CLEC4A: variants seen among roughly 807,000 people sequenced by gnomAD.
CLEC4A encodes the protein C-type (calcium dependent, carbohydrate-recognition domain) lectin, superfamily member 6.
In CLEC4A, 27 loss-of-function variants were observed where a neutral mutation model predicts 32.7. The ratio of observed to expected loss-of-function variants is 0.83; its 90% CI spans 0.61 to 1.14. The LOEUF is 1.14. CLEC4A is among the 50% of genes most tolerant of loss of function. The pLI is 0.00. For synonymous variants in CLEC4A, 89 were observed against 93.7 expected (o/e 0.95, Z 0.29); for missense variants, 253 against 274.6 (o/e 0.92, Z 0.55).
chr12:8,114,466 A>G, the CLEC4A span, among the ~76,000 whole-genome samples: 14 of 151,960 alleles, frequency 9.2e-5, no homozygotes, highest in Middle Eastern at 6.9e-3. Flanking sequence ...GGATGGTCTC[A>G]ATCTCCTGAC....
rs1346317915 is a variant in CLEC4A, at chr12:8,136,702, CTTT to C, written c.451-84_451-82del. ...AATGCAGCTGTTGCTGGATCCTCTC[CTTT>C]TCTTCTTGTTTCTCTAAGGTATTAA... is the stretch of plus-strand genomic sequence containing the variant. On this transcript the variant is annotated intron_variant, in intron 4 of 5. Coordinates refer to ENST00000229332, the MANE Select transcript of CLEC4A (RefSeq NM_016184.4). The C allele has an allele frequency of 5.1e-5, 40 of 779,880 alleles. 1 individual carries two copies. The highest frequency in any genetic ancestry group is 2.4e-4 in the South Asian group (15 of 62,796). The allele number at this position is 779,880 out of a possible 1,614,324, so 48.3% of individuals were successfully genotyped here. A position where few individuals can be genotyped will look rare whatever the true frequency, so the allele number is the denominator to read the frequency against.
chr12:8,134,033 A>G, intron 3 of CLEC4A: 2 of 1,601,290 alleles, frequency 1.2e-6, no homozygotes, highest in South Asian at 1.1e-5. Context: ...CCACACTCGG[A>G]CCACATCCTT....
the CLEC4A span, among the ~76,000 whole-genome samples, chr12:8,105,045 G>A: frequency 8.5e-5 from 13 of 152,062 alleles, no homozygotes; most frequent in African/African-American, 1.7e-4. Context: ...ATACGTATGC[G>A]GCATACATGT....
At chr12:8,130,289 G>A (rs1371286127) in intron 3 of CLEC4A, among the ~76,000 whole-genome samples, 1 of 152,026 alleles carries the variant, frequency 6.6e-6, no homozygotes, top group East Asian at 1.9e-4. Flanking sequence ...TCACATATCA[G>A]TTAAAACCAT....
intron 2 of CLEC4A, 83 bp from the exon 3 acceptor site, chr12:8,129,181 A>G (rs1256241108): frequency 5.8e-6 from 5 of 856,188 alleles, no homozygotes; most frequent in African/African-American, 5.1e-5. Context: ...GTTTTATTTC[A>G]ATAAAGAATG....
At chr12:8,120,689 T>A (rs778762200), upstream of CLEC4A, among the ~76,000 whole-genome samples, 19 of 152,208 alleles carry the variant, frequency 1.2e-4, no homozygotes, top group Non-Finnish European at 2.6e-4. Context: ...TTTTTCTCTG[T>A]GCCTTAGCAG....
At position 8,125,633 on chromosome 12, in the gene CLEC4A, T is replaced by C. The variant is rs754688932; in HGVS notation, c.155T>C (p.Ile52Thr). Reference sequence around the variant, plus strand: ...AAGCTGCTTTGTGCCTCACTGTTGATATTTTTCCTGCTATTGGCAATCTCA... The same window carrying C: ...AAGCTGCTTTGTGCCTCACTGTTGACATTTTTCCTGCTATTGGCAATCTCA... ...FPKLLCASLL[I>T]FFLLLAISFF... Residue 52 changes from isoleucine (I) to threonine (T), a missense_variant, in exon 2 of 6, where the codon ATA becomes ACA. Ile to Thr is a moderately conservative substitution (Grantham distance 89, BLOSUM62 -1). Coordinates refer to ENST00000229332, the MANE Select transcript of CLEC4A (RefSeq NM_016184.4). The C allele has an allele frequency of 1.2e-6, 2 of 1,613,438 alleles. No individual in the cohort carries two copies. The highest frequency in any genetic ancestry group is 1.3e-5 in the African/African-American group (1 of 75,040).
chr12:8,107,414 C>T, the CLEC4A span, among the ~76,000 whole-genome samples: 1 of 152,268 alleles, frequency 6.6e-6, no homozygotes, highest in East Asian at 1.9e-4. Context: ...AGTCCTTCCT[C>T]CTCAAATTTT....
At chr12:8,132,910 G>GTT (rs556423268) in intron 3 of CLEC4A, among the ~76,000 whole-genome samples, 1 of 149,816 alleles carries the variant, frequency 6.7e-6, no homozygotes, top group South Asian at 2.1e-4. Context: ...GTTTGTTTTT[G>GTT]TTTTTTTTTT....
upstream of CLEC4A, among the ~76,000 whole-genome samples, chr12:8,118,647 G>T (rs375743002): frequency 1.3e-5 from 2 of 152,118 alleles, no homozygotes; most frequent in African/African-American, 4.8e-5. Context: ...CTATGGCGAG[G>T]ACACTACCAA....
At chr12:8,136,994 C>T in intron 5 of CLEC4A, 91 bp downstream of exon 5, 3 of 764,388 alleles carry the variant, frequency 3.9e-6, no homozygotes, top group Non-Finnish European at 4.4e-6. Context: ...AGTAAAATAG[C>T]TCACTCTTCT....
At chr12:8,110,998 C>T in the CLEC4A span, among the ~76,000 whole-genome samples, 3 of 151,868 alleles carry the variant, frequency 2.0e-5, no homozygotes, top group Admixed American at 1.3e-4. Context: ...CTCAGCCTCC[C>T]GAGTAGCTGG....
the CLEC4A span, among the ~76,000 whole-genome samples, chr12:8,115,861 T>C: frequency 6.6e-6 from 1 of 152,042 alleles, no homozygotes; most frequent in Non-Finnish European, 1.5e-5. Context: ...CGATCACAAC[T>C]CACTGCAGCC....
At chr12:8,106,872 T>A in the CLEC4A span, among the ~76,000 whole-genome samples, 1 of 152,154 alleles carries the variant, frequency 6.6e-6, no homozygotes, top group Non-Finnish European at 1.5e-5. Flanking sequence ...TATTTCTTTC[T>A]CTCGCCTGAT....
At chr12:8,116,016 G>A in the CLEC4A span, among the ~76,000 whole-genome samples, 1 of 152,032 alleles carries the variant, frequency 6.6e-6, no homozygotes, top group Non-Finnish European at 1.5e-5. Flanking sequence ...AGACCGGAGT[G>A]CAGGTGTGAT....
rs766924798 is a variant in CLEC4A, at chr12:8,123,893, C to T, written c.15C>T (p.Ile5=). 4 of 1,611,574 alleles carry T rather than the reference C, an allele frequency of 2.5e-6. No individual in the cohort carries two copies. The highest frequency in any genetic ancestry group is 3.4e-6 in the Non-Finnish European group (4 of 1,177,676). Residue 5 remains isoleucine (I), a synonymous_variant, in exon 1 of 6, where the codon ATC becomes ATT. Coordinates refer to ENST00000229332, the MANE Select transcript of CLEC4A (RefSeq NM_016184.4). MTSE[I]TYAEVRFKNE... ...CTCTTCCCATTATGACTTCGGAAATCACTTATGCTGAAGTGAGGTTCAAAA... is the reference window on the plus strand; with the variant it reads ...CTCTTCCCATTATGACTTCGGAAATTACTTATGCTGAAGTGAGGTTCAAAA...
At chr12:8,114,043 A>T in the CLEC4A span, among the ~76,000 whole-genome samples, 4 of 152,148 alleles carry the variant, frequency 2.6e-5, no homozygotes, top group Non-Finnish European at 4.4e-5. Flanking sequence ...CAAGAGATTC[A>T]TGGTTGGCTG....
Position 8,129,338 on chromosome 12 carries a change from G to A in CLEC4A, c.274G>A (p.Val92Met). The A allele has an allele frequency of 6.2e-7, 1 of 1,608,180 alleles. No homozygotes were observed. Residue 92 changes from valine (V) to methionine (M), a missense_variant, in exon 3 of 6, where the codon GTG (valine) becomes ATG (methionine). By Grantham distance (21) the Val-to-Met change is conservative. Transcript: ENST00000229332. ...KELVHTTLECVKKNMPVEETA... is the reference protein window; with the variant it reads ...KELVHTTLECMKKNMPVEETA... ...GCTGGTTCATACAACATTGGAGTGTGTGAAAAAAAATATGCCCGTGGAAGG... is the reference window on the plus strand; with the variant it reads ...GCTGGTTCATACAACATTGGAGTGTATGAAAAAAAATATGCCCGTGGAAGG...
intron 1 of CLEC4A, 82 bp from the exon 2 acceptor site, chr12:8,125,479 A>G: frequency 1.3e-6 from 1 of 770,600 alleles, no homozygotes; most frequent in South Asian, 1.5e-5. Context: ...CATCCAAGAA[A>G]AGAGAGAGAA....
Sources: allele counts gnomAD v4.1 joint callset (sites outside exome capture counted in the v4.1 genomes callset), GRCh38; gene constraint gnomAD v4.1.1; transcripts MANE v1.5; gene names NCBI Gene and HGNC (gene_info 2026-07-23, HGNC 2026-07-21).